DIPK1A: variants seen among roughly 807,000 people sequenced by gnomAD.
The protein encoded by DIPK1A is divergent protein kinase domain 1A, also known as family with sequence similarity 69 member A.
In DIPK1A, 27 loss-of-function variants were observed where a neutral mutation model predicts 40.8. The ratio of observed to expected loss-of-function variants is 0.66; its 90% CI spans 0.49 to 0.91. The LOEUF (loss-of-function observed/expected upper bound fraction) is 0.91, where lower values mean the gene tolerates loss of function less well. DIPK1A is among the 40% of genes least tolerant of loss of function. The pLI is 0.00. For synonymous variants in DIPK1A, 166 were observed against 171.3 expected (o/e 0.97, Z 0.24); for missense variants, 412 against 505.7 (o/e 0.81, Z 1.78).
intron 1 of DIPK1A, among the ~76,000 whole-genome samples, chr1:92,939,427 T>C (rs946817432): frequency 6.6e-6 from 1 of 152,200 alleles, no homozygotes; most frequent in African/African-American, 2.4e-5. Flanking sequence ...TCTTCAGGGA[T>C]ACAAATTTCT....
downstream of DIPK1A, among the ~76,000 whole-genome samples, chr1:92,838,308 A>G (rs4847222): frequency 0.86 from 130,658 of 152,206 alleles, 56,539 homozygotes; most frequent in East Asian, 0.96. Context: ...TTTTTTATCA[A>G]TAATGTAGGT....
intron 2 of DIPK1A, among the ~76,000 whole-genome samples, chr1:92,856,193 A>G (rs1404983133): frequency 2.6e-5 from 4 of 152,192 alleles, no homozygotes; most frequent in African/African-American, 9.6e-5. Flanking sequence ...TTATTAGGAA[A>G]GAAAAGAGTA....
At chr1:92,856,665 C>T (rs1049034591) in intron 2 of DIPK1A, among the ~76,000 whole-genome samples, 7 of 152,220 alleles carry the variant, frequency 4.6e-5, no homozygotes, top group Non-Finnish European at 1.0e-4. Context: ...TATCCACCCG[C>T]CTTGGCCTCC....
chr1:92,943,172 TGAAAGAAACAAA>T (rs1651233202), intron 1 of DIPK1A, among the ~76,000 whole-genome samples: 2 of 152,038 alleles, frequency 1.3e-5, no homozygotes, highest in Admixed American at 6.6e-5. Context: ...CTCTAACAGC[TGAAAGAAACAAA>T]GAAAGAAAGA....
intron 3 of DIPK1A, among the ~76,000 whole-genome samples, chr1:92,849,641 T>C (rs2391179): frequency 0.84 from 127,902 of 152,132 alleles, 54,548 homozygotes; most frequent in East Asian, 0.96. Flanking sequence ...GCCTCTGGAG[T>C]TGCTGGGATT....
chr1:92,906,873 G>C (rs1045501992), intron 1 of DIPK1A, among the ~76,000 whole-genome samples: 27 of 152,270 alleles, frequency 1.8e-4, no homozygotes, highest in African/African-American at 5.5e-4. Flanking sequence ...TTTAAAGATT[G>C]TACCTCTGAA....
chr1:92,947,022 A>G (rs1417870511), intron 1 of DIPK1A, among the ~76,000 whole-genome samples: 2 of 151,932 alleles, frequency 1.3e-5, no homozygotes, highest in East Asian at 3.8e-4. Context: ...TTGATAATGC[A>G]ATCCTTTCAG....
At chr1:92,905,972 C>T (rs900341229) in intron 1 of DIPK1A, among the ~76,000 whole-genome samples, 1 of 151,958 alleles carries the variant, frequency 6.6e-6, no homozygotes, top group Non-Finnish European at 1.5e-5. Context: ...ATCCTGTTCC[C>T]TTGGTCTCTG....
chr1:92,855,562 G>C (rs1028503227), intron 2 of DIPK1A, among the ~76,000 whole-genome samples: 17 of 151,478 alleles, frequency 1.1e-4, no homozygotes, highest in African/African-American at 4.1e-4. Context: ...AAATTAGCCA[G>C]GCATGGTGGT....
At chr1:92,871,901 A>G (rs946538040) in intron 2 of DIPK1A, among the ~76,000 whole-genome samples, 1 of 152,122 alleles carries the variant, frequency 6.6e-6, no homozygotes, top group African/African-American at 2.4e-5. Flanking sequence ...TTTGGCTACT[A>G]TGAATAATGC....
At chr1:92,846,550 A>G (rs1197832260) in intron 4 of DIPK1A, 1 of 425,634 alleles carries the variant, frequency 2.3e-6, no homozygotes, top group Non-Finnish European at 4.7e-6. Flanking sequence ...TTAATTAATG[A>G]ACTCCCTCCT....
intron 1 of DIPK1A, among the ~76,000 whole-genome samples, chr1:92,943,756 A>T (rs1486494101): frequency 6.6e-6 from 1 of 152,234 alleles, no homozygotes; most frequent in African/African-American, 2.4e-5. Context: ...TCAGGCATCC[A>T]TTCCGGTGAT....
At chr1:92,899,492 C>T (rs906451585) in intron 1 of DIPK1A, among the ~76,000 whole-genome samples, 2 of 152,170 alleles carry the variant, frequency 1.3e-5, no homozygotes, top group Non-Finnish European at 2.9e-5. Flanking sequence ...ATGACTTTTT[C>T]ATCCATTCAG....
At chr1:92,854,539 C>A (rs1337661976) in intron 2 of DIPK1A, among the ~76,000 whole-genome samples, 1 of 152,212 alleles carries the variant, frequency 6.6e-6, no homozygotes, top group Non-Finnish European at 1.5e-5. Flanking sequence ...AGATCAAGAG[C>A]CCTGCCCATG....
intron 1 of DIPK1A, among the ~76,000 whole-genome samples, chr1:92,934,836 C>T (rs1399791705): frequency 6.6e-6 from 1 of 152,136 alleles, no homozygotes; most frequent in Non-Finnish European, 1.5e-5. Context: ...TAAAACCTGG[C>T]CCTTCTCCAG....
At chr1:92,846,976 T>C (rs1687662753) in intron 4 of DIPK1A, among the ~76,000 whole-genome samples, 1 of 142,464 alleles carries the variant, frequency 7.0e-6, no homozygotes, top group Non-Finnish European at 1.5e-5. Context: ...ACTCCTGGGC[T>C]CAAGTGATCC....
At position 92,843,213 on chromosome 1, in the gene DIPK1A, T is replaced by C; in HGVS notation, c.*170A>G. On this transcript the variant is annotated 3_prime_UTR_variant, in exon 5 of 5. Transcript: ENST00000370310. ...GCAGGAATGACATCTTGGGGACCTGTTGATCCTACACCTGCCATTACTTCA... is the reference window on the plus strand; with the variant it reads ...GCAGGAATGACATCTTGGGGACCTGCTGATCCTACACCTGCCATTACTTCA... The C allele has an allele frequency of 6.5e-6, 9 of 1,392,990 alleles. No homozygotes were observed. The highest frequency in any genetic ancestry group is 8.4e-6 in the Non-Finnish European group (9 of 1,071,642). 86.3% of individuals were successfully genotyped at this position (1,392,990 alleles called of 1,614,324 possible).
intron 4 of DIPK1A, chr1:92,833,052 G>A (rs1391988492): frequency 1.4e-6 from 1 of 733,660 alleles, no homozygotes; most frequent in Non-Finnish European, 2.5e-6. Flanking sequence ...AAACAAATAT[G>A]GAAATTGAAA....
At chr1:92,868,731 C>T (rs1189573634) in intron 2 of DIPK1A, among the ~76,000 whole-genome samples, 3 of 151,980 alleles carry the variant, frequency 2.0e-5, no homozygotes, top group Non-Finnish European at 1.5e-5. Context: ...TTTTGAAGGC[C>T]GAGGCAGGTG....
Sources: gnomAD v4.1 joint callset for allele counts (sites outside exome capture counted in the v4.1 genomes callset) on GRCh38, gnomAD v4.1.1 for gene constraint, MANE v1.5 for transcripts, NCBI Gene and HGNC (gene_info 2026-07-23, HGNC 2026-07-21) for gene names.